Variants in ATAD1 observed in about 807,000 individuals in gnomAD.
ATAD1 encodes the protein outer mitochondrial transmembrane helix translocase.
ATAD1 carries 18 observed loss-of-function variants against 42.7 expected under a neutral mutation model. The ratio of observed to expected loss-of-function variants is 0.42; its 90% CI spans 0.29 to 0.63. The LOEUF (loss-of-function observed/expected upper bound fraction) is 0.63. Ranked by LOEUF, ATAD1 falls within the 20% of genes least tolerant of loss-of-function variation. The pLI, the probability that ATAD1 is intolerant of heterozygous loss-of-function variation, is 0.19. For synonymous variants in ATAD1, 132 were observed against 143.1 expected (o/e 0.92, Z 0.55); for missense variants, 294 against 440.4 (o/e 0.67, Z 2.98).
intron 1 of ATAD1, among the ~76,000 whole-genome samples, chr10:87,839,646 CCTAAGGCA>C (rs1857993914): frequency 6.6e-6 from 1 of 152,106 alleles, no homozygotes; most frequent in African/African-American, 2.4e-5. Flanking sequence ...GAGCTTTGTA[CCTAAGGCA>C]ATTTCATGTT....
At chr10:87,822,646 TG>T (rs1456630493), upstream of ATAD1, among the ~76,000 whole-genome samples, 4 of 151,610 alleles carry the variant, frequency 2.6e-5, no homozygotes, top group African/African-American at 4.8e-5. Flanking sequence ...AGAATAGTGG[TG>T]GGGGGTAGGA....
Position 87,784,542 on chromosome 10 carries a change from G to A in ATAD1, c.511C>T (p.Gln171Ter). The change falls in exon 5 of 10, where the codon CAG (glutamine) becomes TAG (stop). Residue 171 changes from glutamine to a stop codon, truncating the protein, a stop_gained. Coordinates refer to ENST00000680024, the MANE Select transcript of ATAD1 (RefSeq NM_001321967.2). LOFTEE classifies it high-confidence loss of function. ...GAGAAGACAGCAGCAGCCAATTTCT[G>A]AGATTCTCCATACCACTTATCGGTC... is the stretch of plus-strand genomic sequence containing the variant. The part of the protein sequence containing the change: ...TLTDKWYGES[Q>*]KLAAAVFSLA... 6.2e-7 allele frequency: 1 copy of A among 1,613,816 alleles called. No homozygotes were observed.
chr10:87,828,947 A>G (rs1288596876), intron 1 of ATAD1, among the ~76,000 whole-genome samples: 3 of 152,206 alleles, frequency 2.0e-5, no homozygotes, highest in Non-Finnish European at 4.4e-5. Flanking sequence ...ATTGAGACCT[A>G]CTGTTCAGAA....
chr10:87,789,488 A>G (rs1303539100), intron 4 of ATAD1, among the ~76,000 whole-genome samples: 1 of 152,216 alleles, frequency 6.6e-6, no homozygotes, highest in African/African-American at 2.4e-5. Context: ...TAGGAGGCCA[A>G]CGCAGGTGAA....
rs368928987 is a variant in ATAD1 at position 87,770,902 on chromosome 10, A to G, written c.780+50T>C. On this transcript the variant is annotated intron_variant, in intron 7 of 9. Coordinates refer to ENST00000680024, the MANE Select transcript of ATAD1 (RefSeq NM_001321967.2). ...TTCTTAAAATTAAAGGTGAAGACCT[A>G]TAAAAAGGTGAGTATTTAACTCTTC... The G allele has an allele frequency of 2.0e-6, 3 of 1,516,004 alleles. No individual in the cohort carries two copies. In the African/African-American group the frequency reaches 4.1e-5, roughly 21 times the overall value. 93.9% of individuals were successfully genotyped at this position (1,516,004 alleles called of 1,614,324 possible).
At chr10:87,808,158 G>A (rs1857010063) in intron 2 of ATAD1, among the ~76,000 whole-genome samples, 1 of 152,030 alleles carries the variant, frequency 6.6e-6, no homozygotes, top group African/African-American at 2.4e-5. Flanking sequence ...CTGATAGCTT[G>A]TAAACATTCT....
chr10:87,778,281 A>T (rs1387886722), intron 5 of ATAD1, among the ~76,000 whole-genome samples: 1 of 152,012 alleles, frequency 6.6e-6, no homozygotes. Flanking sequence ...TATTCAAAAA[A>T]AAATTTTTTT....
chr10:87,779,440 C>T (rs1855468430), intron 5 of ATAD1, among the ~76,000 whole-genome samples: 1 of 151,966 alleles, frequency 6.6e-6, no homozygotes, highest in Non-Finnish European at 1.5e-5. Flanking sequence ...GGACTTGTAC[C>T]CAAAATATAA....
intron 7 of ATAD1, among the ~76,000 whole-genome samples, 179 bp downstream of exon 7, chr10:87,770,773 T>C (rs1854992033): frequency 7.5e-6 from 1 of 133,720 alleles, no homozygotes; most frequent in African/African-American, 3.1e-5. Context: ...GTAACACTAA[T>C]CTTAGGATAG....
At chr10:87,827,423 C>A (rs1857749739) in intron 1 of ATAD1, among the ~76,000 whole-genome samples, 1 of 152,126 alleles carries the variant, frequency 6.6e-6, no homozygotes, top group African/African-American at 2.4e-5. Context: ...ATGATTTTTA[C>A]AAATGGAAGG....
intron 2 of ATAD1, among the ~76,000 whole-genome samples, chr10:87,804,071 G>A (rs995507215): frequency 6.6e-6 from 1 of 152,212 alleles, no homozygotes; most frequent in African/African-American, 2.4e-5. Context: ...GTTAACAAAT[G>A]TTAGCTCTTC....
At chr10:87,832,637 T>C (rs1025681114) in intron 1 of ATAD1, among the ~76,000 whole-genome samples, 2 of 152,096 alleles carry the variant, frequency 1.3e-5, no homozygotes, top group Non-Finnish European at 2.9e-5. Context: ...ATAAACTTGC[T>C]ATATTTAAAA....
intron 2 of ATAD1, among the ~76,000 whole-genome samples, chr10:87,793,589 A>G (rs1278635204): frequency 6.6e-6 from 1 of 152,212 alleles, no homozygotes; most frequent in Non-Finnish European, 1.5e-5. Flanking sequence ...AAGAAACAAG[A>G]TATGAATTCA....
chr10:87,826,402 C>T (rs1857730602), intron 1 of ATAD1, among the ~76,000 whole-genome samples: 1 of 152,216 alleles, frequency 6.6e-6, no homozygotes, highest in Admixed American at 6.5e-5. Context: ...CATGCCCCTA[C>T]CCATTTCTTT....
At chr10:87,827,540 C>A (rs555979867) in intron 1 of ATAD1, among the ~76,000 whole-genome samples, 1 of 152,298 alleles carries the variant, frequency 6.6e-6, no homozygotes, top group Admixed American at 6.5e-5. Context: ...ATATTTCAAA[C>A]ATTTAAATTA....
chr10:87,798,329 C>G (rs753276293), intron 2 of ATAD1, among the ~76,000 whole-genome samples: 19 of 152,166 alleles, frequency 1.2e-4, no homozygotes, highest in Non-Finnish European at 2.4e-4. Flanking sequence ...CCCTTTCAAG[C>G]ACTCCGTAGG....
chr10:87,813,546 T>G (rs1044965609), intron 2 of ATAD1, among the ~76,000 whole-genome samples: 3 of 152,032 alleles, frequency 2.0e-5, no homozygotes, highest in African/African-American at 4.8e-5. Flanking sequence ...TTTTACTGAT[T>G]TAAGGGCTAA....
At chr10:87,801,782 T>C (rs1350555760) in intron 2 of ATAD1, among the ~76,000 whole-genome samples, 4 of 152,230 alleles carry the variant, frequency 2.6e-5, no homozygotes, top group Non-Finnish European at 5.9e-5. Context: ...ACAGGTGCTC[T>C]TGAATGAATG....
chr10:87,840,618 AT>A, intron 1 of ATAD1, among the ~76,000 whole-genome samples: 1 of 152,330 alleles, frequency 6.6e-6, no homozygotes, highest in South Asian at 2.1e-4. Flanking sequence ...AAACAGGTAT[AT>A]TACTATGTTT....
Sources: gnomAD v4.1 joint callset for allele counts (sites outside exome capture counted in the v4.1 genomes callset) on GRCh38, gnomAD v4.1.1 for gene constraint, MANE v1.5 for transcripts, NCBI Gene and HGNC (gene_info 2026-07-23, HGNC 2026-07-21) for gene names.